The following NXPE2 variants were observed in gnomAD, a reference collection of about 807,000 sequenced individuals.
NXPE2 encodes the protein NXPE family member 2.
A neutral mutation model predicts 34.4 loss-of-function variants in NXPE2; 34 were observed. The observed-to-expected ratio is 0.99, with a 90% CI of 0.75 to 1.31. The LOEUF (loss-of-function observed/expected upper bound fraction) is 1.31, where lower values mean the gene tolerates loss of function less well. Among genes scored for constraint, NXPE2 ranks in the 40% most tolerant of loss-of-function variants. The pLI, the probability that NXPE2 is intolerant of heterozygous loss-of-function variation, is 0.00. For synonymous variants in NXPE2, 235 were observed against 231.3 expected (o/e 1.02, Z -0.15); for missense variants, 649 against 672.5 (o/e 0.97, Z 0.39).
chr11:114,470,288 T>C, the NXPE2 span, among the ~76,000 whole-genome samples: 7 of 152,304 alleles, frequency 4.6e-5, no homozygotes, highest in African/African-American at 1.4e-4. Context: ...ACTAAAGTTA[T>C]TGTTCCATTT....
the NXPE2 span, among the ~76,000 whole-genome samples, chr11:114,548,202 C>T: frequency 1.3e-5 from 2 of 151,962 alleles, no homozygotes; most frequent in African/African-American, 2.4e-5. Context: ...ATAAGAGATT[C>T]AAGAATACTT....
the NXPE2 span, among the ~76,000 whole-genome samples, chr11:114,793,361 A>G: frequency 6.6e-6 from 1 of 152,136 alleles, no homozygotes. Flanking sequence ...AAAATTTCAC[A>G]GACTAAACAA....
At chr11:114,687,001 C>T (rs1951060066) in intron 2 of NXPE2, among the ~76,000 whole-genome samples, 1 of 151,988 alleles carries the variant, frequency 6.6e-6, no homozygotes, top group African/African-American at 2.4e-5. Flanking sequence ...TCCTTATAGA[C>T]TCTTGACAGC....
At chr11:114,599,981 G>A in the NXPE2 span, among the ~76,000 whole-genome samples, 1 of 152,000 alleles carries the variant, frequency 6.6e-6, no homozygotes, top group Non-Finnish European at 1.5e-5. Context: ...AATAAATGGG[G>A]TAAAATAAAC....
At chr11:114,652,027 A>G in the NXPE2 span, among the ~76,000 whole-genome samples, 1 of 152,238 alleles carries the variant, frequency 6.6e-6, no homozygotes, top group Non-Finnish European at 1.5e-5. Flanking sequence ...TTGGAACTCC[A>G]AAGCATTTGT....
At chr11:114,606,956 A>T in the NXPE2 span, among the ~76,000 whole-genome samples, 1 of 151,892 alleles carries the variant, frequency 6.6e-6, no homozygotes, top group Non-Finnish European at 1.5e-5. Context: ...TCCTGTGGAT[A>T]ATAAGTGTTG....
chr11:114,690,623 G>A (rs904719376), intron 2 of NXPE2, among the ~76,000 whole-genome samples: 22 of 151,990 alleles, frequency 1.4e-4, no homozygotes, highest in Admixed American at 1.1e-3. Flanking sequence ...TCTGGGTTTC[G>A]TATCTGCATG....
At chr11:114,491,636 T>C in the NXPE2 span, among the ~76,000 whole-genome samples, 176 of 152,288 alleles carry the variant, frequency 1.2e-3, no homozygotes, top group African/African-American at 3.8e-3. Context: ...AAATACCATG[T>C]GACCCAGCCA....
At chr11:114,583,116 T>C in the NXPE2 span, 1 of 1,313,238 alleles carries the variant, frequency 7.6e-7, no homozygotes, top group Non-Finnish European at 1.0e-6. Flanking sequence ...AATTAACATG[T>C]TCCTAGTCAT....
chr11:114,474,771 A>G, the NXPE2 span, among the ~76,000 whole-genome samples: 1 of 152,208 alleles, frequency 6.6e-6, no homozygotes, highest in Admixed American at 6.5e-5. Context: ...TGTGTGACAG[A>G]CACCGTTTCA....
the NXPE2 span, among the ~76,000 whole-genome samples, chr11:114,482,873 A>G: frequency 1.3e-5 from 2 of 152,036 alleles, no homozygotes; most frequent in African/African-American, 2.4e-5. Context: ...CAATCAATCC[A>G]CAGAGTTTTT....
chr11:114,618,887 G>A, the NXPE2 span, among the ~76,000 whole-genome samples: 1 of 151,980 alleles, frequency 6.6e-6, no homozygotes, highest in Admixed American at 6.6e-5. Context: ...GGTCACCACT[G>A]TTACCCGGAG....
chr11:114,603,094 A>G, the NXPE2 span, among the ~76,000 whole-genome samples: 1 of 151,728 alleles, frequency 6.6e-6, no homozygotes, highest in Non-Finnish European at 1.5e-5. Flanking sequence ...GATAATAATT[A>G]TTGTCTTGTC....
chr11:114,481,230 G>A, the NXPE2 span, among the ~76,000 whole-genome samples: 1 of 152,150 alleles, frequency 6.6e-6, no homozygotes, highest in Non-Finnish European at 1.5e-5. Flanking sequence ...GTTGCCTGAG[G>A]AGAATGATCA....
the NXPE2 span, among the ~76,000 whole-genome samples, chr11:114,520,092 G>A: frequency 5.9e-5 from 9 of 152,130 alleles, no homozygotes; most frequent in Admixed American, 5.2e-4. Context: ...GTAAGCCACC[G>A]TGCCTGGCCA....
At chr11:114,643,419 G>C in the NXPE2 span, among the ~76,000 whole-genome samples, 8 of 152,010 alleles carry the variant, frequency 5.3e-5, no homozygotes, top group Admixed American at 1.3e-4. Flanking sequence ...AATTCATCTT[G>C]AGTTACTTTT....
At chr11:114,534,506 G>A in the NXPE2 span, among the ~76,000 whole-genome samples, 13 of 152,182 alleles carry the variant, frequency 8.5e-5, no homozygotes, top group East Asian at 1.9e-3. Context: ...GAGGAAGTTC[G>A]AATCAATGGC....
the NXPE2 span, chr11:114,571,289 A>AT: frequency 4.3e-6 from 7 of 1,613,896 alleles, no homozygotes; most frequent in Non-Finnish European, 5.9e-6. Context: ...CAATGACAGT[A>AT]TTTTTTTCTC....
At chr11:114,715,122 T>A in the NXPE2 span, among the ~76,000 whole-genome samples, 1,307 of 152,332 alleles carry the variant, frequency 8.6e-3, 19 homozygotes, top group African/African-American at 0.029. Flanking sequence ...TTATTTTGAT[T>A]ATCAAGCCTG....
Sources: allele counts gnomAD v4.1 joint callset (sites outside exome capture counted in the v4.1 genomes callset), GRCh38; gene constraint gnomAD v4.1.1; transcripts MANE v1.5; gene names NCBI Gene and HGNC (gene_info 2026-07-23, HGNC 2026-07-21).